Variants in CCDC88A observed in about 807,000 individuals in gnomAD.
CCDC88A encodes coiled-coil and HOOK domain protein 88A.
CCDC88A carries 54 observed loss-of-function variants against 234.3 expected under a neutral mutation model. The observed-to-expected ratio is 0.23, with a 90% confidence interval of 0.19 to 0.29. The LOEUF is 0.29. Among genes scored for constraint, CCDC88A ranks in the 10% least tolerant of loss-of-function variants. The pLI is 1.00. For synonymous variants in CCDC88A, 753 were observed against 737.8 expected (o/e 1.02, Z -0.33); for missense variants, 1,832 against 2,123.4 (o/e 0.86, Z 2.70).
chr2:55,416,841 TTAAA>T (rs558465588), intron 2 of CCDC88A: 78 of 152,128 alleles, frequency 5.1e-4, no homozygotes, highest in African/African-American at 1.7e-3. Flanking sequence ...GCCCTATCAG[TTAAA>T]TAATTTATTA....
chr2:55,310,103 A>C (rs768924309), intron 23 of CCDC88A, among the ~76,000 whole-genome samples: 1 of 152,192 alleles, frequency 6.6e-6, no homozygotes, highest in Non-Finnish European at 1.5e-5. Context: ...AGTTGTAGGA[A>C]GTTAAAAAAT....
chr2:55,333,495 G>T (rs887151978), intron 15 of CCDC88A, among the ~76,000 whole-genome samples: 2 of 152,012 alleles, frequency 1.3e-5, no homozygotes, highest in African/African-American at 4.8e-5. Context: ...AAATTCATGG[G>T]GCTTTGGAGT....
At chr2:55,323,571 TAATAAC>T (rs1480714978) in intron 17 of CCDC88A, 11 of 152,218 alleles carry the variant, frequency 7.2e-5, no homozygotes. Flanking sequence ...TTTAACACAC[TAATAAC>T]AATAGATGAG....
intron 3 of CCDC88A, chr2:55,388,444 T>A (rs1676065345): frequency 1.8e-5 from 1 of 55,816 alleles, no homozygotes; most frequent in African/African-American, 4.2e-5. Context: ...TTCAGGTTTT[T>A]TTTTTAAAAA....
intron 7 of CCDC88A, among the ~76,000 whole-genome samples, chr2:55,357,838 G>A (rs1574266994): frequency 1.3e-5 from 2 of 152,166 alleles, no homozygotes; most frequent in Admixed American, 1.3e-4. Context: ...CAGTATGTCT[G>A]TTGATGAACC....
Position 55,301,887 on chromosome 2 carries a change from A to C in CCDC88A, c.4657T>G (p.Leu1553Val). 6.2e-7 allele frequency: 1 copy of C among 1,614,088 alleles called. No homozygotes were observed. The highest frequency in any genetic ancestry group is 8.5e-7 in the Non-Finnish European group (1 of 1,179,978). Residue 1553 changes from leucine to valine, a missense_variant, in exon 27 of 33, where the codon TTG (leucine) becomes GTG (valine). By Grantham distance (32) the Leu-to-Val change is conservative. This residue lies in a region of CCDC88A where 422 missense variants were observed against 416.5 expected (regional missense o/e 1.01). Transcript: ENST00000436346. ...NSSAGFRSKQ[L>V]VNNKDTTSFE... ...CAGCCTATACCTTTATTATTAACCA[A>C]CTGCTTGGATCTGAAGCCTGCAGAA...
intron 5 of CCDC88A, among the ~76,000 whole-genome samples, chr2:55,370,513 C>T (rs745622186): frequency 6.6e-6 from 1 of 151,604 alleles, no homozygotes; most frequent in East Asian, 1.9e-4. Flanking sequence ...TGGTAGCACA[C>T]ATCTATCATC....
intron 17 of CCDC88A, 76 bp from the exon 18 acceptor site, chr2:55,322,768 C>T (rs968390397): frequency 4.3e-6 from 3 of 691,732 alleles, no homozygotes; most frequent in Non-Finnish European, 6.9e-6. Flanking sequence ...TAATTTGACT[C>T]TGGGCTGATC....
chr2:55,330,004 GC>G (rs1426377889), intron 16 of CCDC88A: 1 of 151,962 alleles, frequency 6.6e-6, no homozygotes, highest in Non-Finnish European at 1.5e-5. Context: ...CAAGTGATCC[GC>G]CTGCCTCAGC....
intron 2 of CCDC88A, among the ~76,000 whole-genome samples, chr2:55,393,374 T>G (rs912524115): frequency 8.0e-6 from 1 of 125,034 alleles, no homozygotes; most frequent in African/African-American, 3.0e-5. Context: ...CACTGCAACC[T>G]CTGCCTCCAG....
chr2:55,310,809 T>G (rs578127047), intron 23 of CCDC88A, among the ~76,000 whole-genome samples: 1 of 152,136 alleles, frequency 6.6e-6, no homozygotes, highest in Non-Finnish European at 1.5e-5. Flanking sequence ...TGCAGAAGAG[T>G]TGACATTTGA....
chr2:55,400,780 C>T (rs1009731973), intron 2 of CCDC88A, among the ~76,000 whole-genome samples: 5 of 152,140 alleles, frequency 3.3e-5, no homozygotes, highest in African/African-American at 4.8e-5. Flanking sequence ...TCCTCTTGGA[C>T]CATCTGTTCT....
At chr2:55,358,033 C>G (rs1187137548) in intron 7 of CCDC88A, among the ~76,000 whole-genome samples, 2 of 152,162 alleles carry the variant, frequency 1.3e-5, no homozygotes, top group Non-Finnish European at 2.9e-5. Flanking sequence ...CGCTTTTACT[C>G]AGTCCAAGAG....
chr2:55,360,247 A>G (rs1671112710), intron 7 of CCDC88A, among the ~76,000 whole-genome samples: 1 of 152,252 alleles, frequency 6.6e-6, no homozygotes, highest in African/African-American at 2.4e-5. Context: ...GACCAAATAT[A>G]TACTTTTTAG....
rs1014978478 is a variant in CCDC88A at position 55,309,567 on chromosome 2, T to G, written c.4080-313A>C. On this transcript the variant is annotated intron_variant, in intron 23 of 32. Coordinates refer to ENST00000436346, the MANE Select transcript of CCDC88A (RefSeq NM_001365480.1). This position sits in a 1 kb window ranked among gnomAD's most constrained non-coding sequence, Gnocchi z 5.1. ...AATAAATAATCCTGCAAACACATGTTCATGCAAATATTTTTCTTTTCGGCA... is the reference window on the plus strand; with the variant it reads ...AATAAATAATCCTGCAAACACATGTGCATGCAAATATTTTTCTTTTCGGCA... Among the ~76,000 whole-genome samples, 2 of 152,204 alleles carry G rather than the reference T, an allele frequency of 1.3e-5. No individual in the cohort carries two copies. Among genetic ancestry groups the G allele is most frequent in the African/African-American group, 2.4e-5 (1 of 41,456 alleles).
At chr2:55,302,932 CT>C in intron 26 of CCDC88A, 136 bp downstream of exon 26, 1 of 601,822 alleles carries the variant, frequency 1.7e-6, no homozygotes, top group Non-Finnish European at 3.0e-6. Context: ...AAAAATTCTT[CT>C]AGCTCCTTAT....
chr2:55,377,460 AT>A (rs11413541), intron 3 of CCDC88A, among the ~76,000 whole-genome samples: 8 of 149,580 alleles, frequency 5.3e-5, no homozygotes, highest in African/African-American at 7.4e-5. Context: ...GCCCAGCGAG[AT>A]TTTTTTTTTA....
intron 29 of CCDC88A, 41 bp downstream of exon 29, chr2:55,299,798 G>A (rs1680659860): frequency 1.5e-6 from 2 of 1,326,026 alleles, no homozygotes; most frequent in South Asian, 1.2e-5. Flanking sequence ...TTAAATACTG[G>A]AAATGGATAG....
chr2:55,418,860 C>T lies in CCDC88A; in HGVS notation c.120G>A (p.Val40=), dbSNP rs778987749. 6.8e-6 allele frequency: 11 copies of T among 1,614,142 alleles called. No homozygotes were observed. In the Admixed American group the frequency reaches 1.7e-4, roughly 24 times the overall value. The change falls in exon 2 of 33, where the codon GTG becomes GTA. Residue 40 remains valine, a synonymous_variant. Coordinates refer to ENST00000436346, the MANE Select transcript of CCDC88A (RefSeq NM_001365480.1). Reference sequence around the variant, plus strand: ...TCAAGAATACCCCATCCACCAAAGCCACATATTCATCAAGGTTGGTCCCAT... The same window carrying T: ...TCAAGAATACCCCATCCACCAAAGCTACATATTCATCAAGGTTGGTCCCAT... The part of the protein sequence containing the change: ...AGNGTNLDEY[V]ALVDGVFLNQ...
Sources: allele counts gnomAD v4.1 joint callset (sites outside exome capture counted in the v4.1 genomes callset), GRCh38; gene constraint gnomAD v4.1.1; regional missense constraint gnomAD v4.1.1; non-coding constraint Gnocchi (gnomAD v3.1); transcripts MANE v1.5; gene names NCBI Gene and HGNC (gene_info 2026-07-23, HGNC 2026-07-21).